SUSD2: variants seen among roughly 807,000 people sequenced by gnomAD.
SUSD2 encodes the protein sushi domain-containing protein 2.
SUSD2 carries 86 observed loss-of-function variants against 93.8 expected under a neutral mutation model. The ratio of observed to expected loss-of-function variants is 0.92; its 90% CI spans 0.77 to 1.10. SUSD2 has a LOEUF of 1.10. Ranked by LOEUF, SUSD2 falls within the 50% of genes least tolerant of loss-of-function variation. SUSD2 has a pLI of 0.00. For synonymous variants in SUSD2, 483 were observed against 485.0 expected (o/e 1.00, Z 0.05); for missense variants, 1,060 against 1,137.0 (o/e 0.93, Z 0.97).
At chr22:24,182,247 C>T (rs2047329909) in intron 1 of SUSD2, among the ~76,000 whole-genome samples, 2 of 152,240 alleles carry the variant, frequency 1.3e-5, no homozygotes, top group African/African-American at 4.8e-5. Flanking sequence ...GGTGCATGCA[C>T]CTGCCCCAGT....
chr22:24,187,003 T>G, intron 10 of SUSD2, 199 bp from the exon 11 acceptor site: 1 of 644,150 alleles, frequency 1.6e-6, no homozygotes, highest in Non-Finnish European at 2.7e-6. Context: ...GCACCTCAGG[T>G]GCCGCTGGGA....
In SUSD2 at chr22:24,185,258, C is replaced by T. The variant is rs1232783758; in HGVS notation, c.947C>T (p.Thr316Ile). 2 of 1,606,614 alleles carry T rather than the reference C, an allele frequency of 1.2e-6. No individual in the cohort carries two copies. The highest frequency in any genetic ancestry group is 1.7e-5 in the Admixed American group (1 of 59,996). Reference protein sequence around the residue: ...FLEELPDCPCTLTQARADSGR... With the variant: ...FLEELPDCPCILTQARADSGR... Reference sequence around the variant, plus strand: ...GAGGAGCTGCCGGACTGCCCCTGCACCCTGACCCAGGCCCGGGCTGACTCC... The same window carrying T: ...GAGGAGCTGCCGGACTGCCCCTGCATCCTGACCCAGGCCCGGGCTGACTCC... Residue 316 changes from threonine to isoleucine, a missense_variant, in exon 6 of 15, where the codon ACC (threonine) becomes ATC (isoleucine). Around this residue, in one of 2 missense-constraint regions of SUSD2, gnomAD observed 973 missense variants for 1,005.3 expected, o/e 0.97. Transcript: ENST00000358321.
At chr22:24,186,535 T>A in intron 10 of SUSD2, 120 bp downstream of exon 10, 1 of 1,260,270 alleles carries the variant, frequency 7.9e-7, no homozygotes, top group African/African-American at 1.5e-5. Context: ...GAGGCCTGGG[T>A]GGTCCGACCT....
Position 24,184,274 on chromosome 22 carries a change from C to T in SUSD2, c.578C>T (p.Thr193Ile), listed in dbSNP as rs1438326075. The change falls in exon 4 of 15, where the codon ACC becomes ATC. Residue 193 changes from threonine to isoleucine, a missense_variant. Coordinates refer to ENST00000358321, the MANE Select transcript of SUSD2 (RefSeq NM_019601.4). ...HVKSLPTQTI[T>I]IELWGYEETG... is the part of the protein sequence containing the mutation. ...AAGTCGCTGCCCACGCAGACCATCA[C>T]CATCGAACTGTGGGGCTACGAGGAG... The T allele has an allele frequency of 1.2e-6, 2 of 1,613,454 alleles. No individual in the cohort carries two copies. Among genetic ancestry groups the T allele is most frequent in the Non-Finnish European group, 1.7e-6 (2 of 1,180,018 alleles).
intron 10 of SUSD2, chr22:24,186,789 G>T: frequency 2.5e-6 from 1 of 397,830 alleles, no homozygotes; most frequent in Non-Finnish European, 4.6e-6. Context: ...CTGGCAAGTG[G>T]TAGCTCCACA....
chr22:24,186,599 G>T, intron 10 of SUSD2, 184 bp downstream of exon 10: 1 of 677,482 alleles, frequency 1.5e-6, no homozygotes, highest in Admixed American at 3.0e-5. Context: ...GTCAAAAGCC[G>T]AGAGGCCGTG....
chr22:24,188,339 C>T lies in SUSD2; in HGVS notation c.2444+12C>T, dbSNP rs1350779832. On this transcript the variant is annotated intron_variant, in intron 14 of 14. Transcript: ENST00000358321. This position sits in a 1 kb window ranked among gnomAD's most constrained non-coding sequence, Gnocchi z 4.7. The stretch of plus-strand genomic sequence containing the variant: ...AGGAAGGGCAACACGTGAGACCCCC[C>T]AGCCCCTCTCCCAAGACCCCGAGAC... 1.2e-6 allele frequency: 2 copies of T among 1,609,640 alleles called. No homozygotes were observed. Among genetic ancestry groups the T allele is most frequent in the Non-Finnish European group, 1.7e-6 (2 of 1,179,148 alleles).
chr22:24,188,126 T>G lies in SUSD2; in HGVS notation c.2332T>G (p.Cys778Gly), dbSNP rs1372643452. ...CACCTGGTCCTCACCCACCCCGAAG[T>G]GCCAGCCAGGTGAGGACACTCTGCT... is the stretch of plus-strand genomic sequence containing the variant. ...DGTWSSPTPK[C>G]QPGRSYAVLL... is the part of the protein sequence containing the mutation. Residue 778 changes from cysteine to glycine, a missense_variant, in exon 13 of 15, where the codon TGC (cysteine) becomes GGC (glycine). Around this residue, in one of 2 missense-constraint regions of SUSD2, gnomAD observed 973 missense variants for 1,005.3 expected, o/e 0.97. Transcript: ENST00000358321. The surrounding 1 kb of genome is among the most constrained non-coding windows in gnomAD (Gnocchi z 4.7). 1 of 1,612,230 alleles carries G rather than the reference T, an allele frequency of 6.2e-7. No homozygotes were observed. Among genetic ancestry groups the G allele is most frequent in the Non-Finnish European group, 8.5e-7 (1 of 1,179,506 alleles).
In SUSD2 at chr22:24,181,571, G is replaced by A. The variant is rs765619093; in HGVS notation, c.52G>A (p.Gly18Ser). The A allele has an allele frequency of 9.4e-6, 15 of 1,600,054 alleles. No individual in the cohort carries two copies. Among genetic ancestry groups the A allele is most frequent in the Admixed American group, 3.4e-5 (2 of 59,144 alleles). Residue 18 changes from glycine to serine, a missense_variant, in exon 1 of 15, where the codon GGC becomes AGC. Physicochemically the swap from Gly to Ser is moderately conservative, Grantham distance 56. This residue lies in a region of SUSD2 where 87 missense variants were observed against 131.6 expected (regional missense o/e 0.66). Transcript: ENST00000358321. ...WALLLLATAL[G>S]PGPGPTADAQ... is the part of the protein sequence containing the mutation. ...CCTGCTGCTGCTGGCGACAGCCCTC[G>A]GCCCGGGCCCCGGACCCACAGCAGG...
intron 2 of SUSD2, 106 bp downstream of exon 2, chr22:24,183,373 G>T: frequency 6.5e-7 from 1 of 1,531,418 alleles, no homozygotes; most frequent in South Asian, 1.2e-5. Flanking sequence ...TCGGACCCAG[G>T]ACAGGCAGGA....
Position 24,186,383 on chromosome 22 carries a change from G to A in SUSD2, c.1610G>A (p.Ser537Asn), listed in dbSNP as rs1368156241. The A allele has an allele frequency of 6.2e-7, 1 of 1,613,728 alleles. No homozygotes were observed. The highest frequency in any genetic ancestry group is 1.7e-5 in the Admixed American group (1 of 60,032). ...GTGCTGCTGAACCAGGAGGTGCTGAGCTTCACCGAGCAGAGCTGGATGGAC... is the reference window on the plus strand; with the variant it reads ...GTGCTGCTGAACCAGGAGGTGCTGAACTTCACCGAGCAGAGCTGGATGGAC... ...LEVLLNQEVL[S>N]FTEQSWMDLK... Residue 537 changes from serine (S) to asparagine (N), a missense_variant, in exon 10 of 15, where the codon AGC (serine) becomes AAC (asparagine). By Grantham distance (46) the Ser-to-Asn change is conservative. Transcript: ENST00000358321.
rs767449070 is a variant in SUSD2, at chr22:24,187,961, G to A, written c.2167G>A (p.Val723Met). The A allele has an allele frequency of 1.9e-6, 3 of 1,612,722 alleles. No homozygotes were observed. The highest frequency in any genetic ancestry group is 2.7e-5 in the African/African-American group (2 of 74,928). ...TCTGCACTCTGTCCCCATCCCAGTG[G>A]TGTCCTGTGGCTGGCTGGCCCCACC... ...QRRMQSLQPV[V>M]SCGWLAPPPN... Residue 723 changes from valine (V) to methionine (M), a missense_variant and splice_region_variant, in exon 13 of 15, where the codon GTG becomes ATG. Transcript: ENST00000358321.
In SUSD2 at chr22:24,185,126, C is replaced by T; in HGVS notation, c.815C>T (p.Ala272Val). Residue 272 changes from alanine (A) to valine (V), a missense_variant, in exon 6 of 15, where the codon GCA (alanine) becomes GTA (valine). Transcript: ENST00000358321. ...DVQALWTNDH[A>V]LAWHLSDDFR... ...CAGGCGCTCTGGACCAACGACCACG[C>T]ACTGGCCTGGCACCTGAGCGATGAC... The T allele has an allele frequency of 6.2e-7, 1 of 1,612,904 alleles. No individual in the cohort carries two copies. Among genetic ancestry groups the T allele is most frequent in the Non-Finnish European group, 8.5e-7 (1 of 1,179,820 alleles).
rs1269942757 is a variant in SUSD2 at position 24,187,800 on chromosome 22, G to C, written c.2121G>C (p.Val707=). Reference sequence around the variant, plus strand: ...TGAGCACGGGCACTGCCACTCGGGTGGCCCACCAGCTGCACCAGCGTCGCA... The same window carrying C: ...TGAGCACGGGCACTGCCACTCGGGTCGCCCACCAGCTGCACCAGCGTCGCA... The part of the protein sequence containing the change: ...GSLSTGTATR[V]AHQLHQRRMQ... The change falls in exon 12 of 15, where the codon GTG becomes GTC. Residue 707 remains valine, a synonymous_variant. Coordinates refer to ENST00000358321, the MANE Select transcript of SUSD2 (RefSeq NM_019601.4). 2 of 1,613,650 alleles carry C rather than the reference G, an allele frequency of 1.2e-6. No individual in the cohort carries two copies. Among genetic ancestry groups the C allele is most frequent in the South Asian group, 2.2e-5 (2 of 91,082 alleles).
intron 4 of SUSD2, 49 bp from the exon 5 acceptor site, chr22:24,184,717 G>A (rs754666546): frequency 1.4e-6 from 2 of 1,468,522 alleles, no homozygotes; most frequent in East Asian, 2.3e-5. Context: ...AAGGCCTGGG[G>A]CCAGGCCTCG....
rs1381178975 is a variant in SUSD2, at chr22:24,185,484, A to G, written c.985-2A>G. On this transcript the variant is annotated splice_acceptor_variant, in intron 6 of 14. Transcript: ENST00000358321. LOFTEE classifies it high-confidence loss of function. ...GGGTGACAGCCACCTGCTGCTCTGC[A>G]GACGGACTACGGCTGTGACATGGAG... The G allele has an allele frequency of 6.4e-7, 1 of 1,560,158 alleles. No individual in the cohort carries two copies. The highest frequency in any genetic ancestry group is 8.7e-7 in the Non-Finnish European group (1 of 1,151,900).
In SUSD2 at chr22:24,186,323, A is replaced by G; in HGVS notation, c.1550A>G (p.Glu517Gly). Residue 517 changes from glutamate to glycine, a missense_variant, in exon 10 of 15, where the codon GAA (glutamate) becomes GGA (glycine). By Grantham distance (98) the Glu-to-Gly change is moderately conservative. Transcript: ENST00000358321. ...CAGGAGGGCAACTCAGATGTGGTGG[A>G]AGTCAGGCTGGCCAACAGGACCGGA... ...AVQEGNSDVV[E>G]VRLANRTGGL... 8 of 1,613,980 alleles carry G rather than the reference A, an allele frequency of 5.0e-6. No individual in the cohort carries two copies. The highest frequency in any genetic ancestry group is 6.8e-6 in the Non-Finnish European group (8 of 1,180,026).
chr22:24,185,725 G>A lies in SUSD2; in HGVS notation c.1135G>A (p.Asp379Asn). 6.2e-7 allele frequency: 1 copy of A among 1,610,612 alleles called. No homozygotes were observed. Among genetic ancestry groups the A allele is most frequent in the Non-Finnish European group, 8.5e-7 (1 of 1,179,300 alleles). The change falls in exon 8 of 15, where the codon GAC becomes AAC. Residue 379 changes from aspartate (D) to asparagine (N), a missense_variant. Coordinates refer to ENST00000358321, the MANE Select transcript of SUSD2 (RefSeq NM_019601.4). ...GGACGGGACGCAGCTCCTGACAGCT[G>A]ACTCCAGCGGCGGCAGCACTCCCGA... The part of the protein sequence containing the change: ...TADGTQLLTA[D>N]SSGGSTPDRG...
At position 24,181,581 on chromosome 22, in the gene SUSD2, C is replaced by G; in HGVS notation, c.62C>G (p.Pro21Arg). Residue 21 changes from proline to arginine, a missense_variant, in exon 1 of 15, where the codon CCC becomes CGC. Pro to Arg is a moderately radical substitution (Grantham distance 103). Around this residue, in one of 2 missense-constraint regions of SUSD2, gnomAD observed 87 missense variants for 131.6 expected, o/e 0.66. Transcript: ENST00000358321. ...LLLATALGPG[P>R]GPTADAQESC... ...CTGGCGACAGCCCTCGGCCCGGGCC[C>G]CGGACCCACAGCAGGTATGCCTCCC... 1.3e-6 allele frequency: 2 copies of G among 1,599,610 alleles called. No individual in the cohort carries two copies. Among genetic ancestry groups the G allele is most frequent in the Non-Finnish European group, 1.7e-6 (2 of 1,174,910 alleles).
Sources: allele counts gnomAD v4.1 joint callset (sites outside exome capture counted in the v4.1 genomes callset), GRCh38; gene constraint gnomAD v4.1.1; regional missense constraint gnomAD v4.1.1; non-coding constraint Gnocchi (gnomAD v3.1); transcripts MANE v1.5; gene names NCBI Gene and HGNC (gene_info 2026-07-23, HGNC 2026-07-21).